The following TOR1AIP1 variants were observed in gnomAD, a reference collection of about 807,000 sequenced individuals.
TOR1AIP1 encodes torsin 1A interacting protein 1.
A neutral mutation model predicts 63.3 loss-of-function variants in TOR1AIP1; 54 were observed. That is an observed-to-expected ratio of 0.85 (90% CI 0.69 to 1.07). The LOEUF is 1.07. TOR1AIP1 is among the 50% of genes least tolerant of loss of function. The pLI is 0.00. For missense variants in TOR1AIP1, 736 were observed against 715.0 expected (o/e 1.03, Z -0.33); for synonymous variants, 294 against 273.5 (o/e 1.07, Z -0.74).
rs952679549 is a variant in TOR1AIP1 at position 179,908,521 on chromosome 1, G to A, written c.839-84G>A. ...TTCCCCTACTTTATTTTGTCTTTCT[G>A]ATAGATTAATTTTATAACACTGGAA... On this transcript the variant is annotated intron_variant, in intron 7 of 9. Transcript: ENST00000606911. 12 of 1,108,216 alleles carry A rather than the reference G, an allele frequency of 1.1e-5. No individual in the cohort carries two copies. The East Asian group carries it at 1.2e-4, about 11-fold the overall frequency. 68.6% of individuals were successfully genotyped at this position (1,108,216 alleles called of 1,614,324 possible). A position where few individuals can be genotyped will look rare whatever the true frequency, so the allele number is the denominator to read the frequency against.
At chr1:179,891,904 C>T (rs1005931214) in intron 3 of TOR1AIP1, among the ~76,000 whole-genome samples, 5 of 152,144 alleles carry the variant, frequency 3.3e-5, no homozygotes, top group Admixed American at 6.5e-5. Flanking sequence ...ACGTTGTTCA[C>T]GGCGAGTTCA....
chr1:179,889,715 C>T lies in TOR1AIP1; in HGVS notation c.610+346C>T, dbSNP rs10913904. 4.0e-3 allele frequency among the ~76,000 whole-genome samples: 612 copies of T among 151,428 alleles called. 5 individuals carry two copies. The highest frequency in any genetic ancestry group is 0.014 in the African/African-American group (582 of 41,206). ...TGTCATCCAGGCTGGAGTGCAGTGG[C>T]ACAACCAGGGCTGACTGCAGTCTCA... On this transcript the variant is annotated intron_variant, in intron 3 of 9. Transcript: ENST00000606911.
intron 9 of TOR1AIP1, 98 bp from the exon 10 acceptor site, chr1:179,917,352 ACC>A: frequency 5.1e-6 from 5 of 978,944 alleles, no homozygotes; most frequent in Non-Finnish European, 6.1e-6. Flanking sequence ...TTCCTCTTTT[ACC>A]TAATGTTTAT....
chr1:179,886,730 A>G (rs1170547398), intron 2 of TOR1AIP1, among the ~76,000 whole-genome samples: 1 of 152,230 alleles, frequency 6.6e-6, no homozygotes, highest in Non-Finnish European at 1.5e-5. Context: ...CTGTATCAAT[A>G]GCATACTGTG....
At chr1:179,887,604 A>G (rs1647949819) in intron 2 of TOR1AIP1, among the ~76,000 whole-genome samples, 1 of 152,208 alleles carries the variant, frequency 6.6e-6, no homozygotes, top group Non-Finnish European at 1.5e-5. Flanking sequence ...TAATCAATTC[A>G]GGTTATATAT....
Position 179,882,729 on chromosome 1 carries a change from A to G in TOR1AIP1, c.227A>G (p.Lys76Arg). The G allele has an allele frequency of 6.2e-7, 1 of 1,613,946 alleles. No individual in the cohort carries two copies. Among genetic ancestry groups the G allele is most frequent in the South Asian group, 1.1e-5 (1 of 91,074 alleles). ...VYGDFEPLVA[K>R]ERSPVGKRTR... is the part of the protein sequence containing the mutation. ...GGCGACTTCGAGCCCCTGGTGGCCA[A>G]AGAAAGGTCCCCGGTGGGAAAACGA... Residue 76 changes from lysine to arginine, a missense_variant, in exon 1 of 10, where the codon AAA becomes AGA. Around this residue, in one of 2 missense-constraint regions of TOR1AIP1, gnomAD observed 464 missense variants for 371.0 expected, o/e 1.25. Transcript: ENST00000606911.
In TOR1AIP1 at chr1:179,907,913, C is replaced by CTTTTTTTTTT. The variant is rs34218138; in HGVS notation, c.838+61_838+70dup. ...TTTTTCAGCCAATCAATTCTTTTCT[C>CTTTTTTTTTT]TTTTTTTTTTTTTTTTTTTTTGAGA... On this transcript the variant is annotated intron_variant, in intron 7 of 9. Coordinates refer to ENST00000606911, the MANE Select transcript of TOR1AIP1 (RefSeq NM_015602.4). The CTTTTTTTTTT allele has an allele frequency of 3.9e-4, 140 of 356,730 alleles. 1 individual carries two copies. Among genetic ancestry groups the CTTTTTTTTTT allele is most frequent in the Middle Eastern group, 2.2e-3 (2 of 892 alleles). 22.1% of individuals were successfully genotyped at this position (356,730 alleles called of 1,614,324 possible).
intron 3 of TOR1AIP1, among the ~76,000 whole-genome samples, chr1:179,891,353 C>T (rs1250805219): frequency 1.3e-5 from 2 of 151,902 alleles, no homozygotes; most frequent in Non-Finnish European, 2.9e-5. Context: ...TCCCAAGTAG[C>T]TGGGATTACA....
chr1:179,896,991 T>C (rs1318411003), intron 3 of TOR1AIP1, among the ~76,000 whole-genome samples: 2 of 152,200 alleles, frequency 1.3e-5, no homozygotes, highest in Admixed American at 1.3e-4. Flanking sequence ...GGATTATTAT[T>C]ATTTAAGATC....
intron 7 of TOR1AIP1, 30 bp from the exon 8 acceptor site, chr1:179,908,575 A>T (rs1303912588): frequency 6.3e-7 from 1 of 1,585,362 alleles, no homozygotes. Flanking sequence ...AGTATGGGAA[A>T]TTATCTTTTG....
chr1:179,899,713 C>CTGCAGT (rs1176127788), intron 3 of TOR1AIP1, among the ~76,000 whole-genome samples: 1 of 152,138 alleles, frequency 6.6e-6, no homozygotes, highest in Non-Finnish European at 1.5e-5. Flanking sequence ...GGCGCGATCT[C>CTGCAGT]GGCTCACTGC....
At position 179,918,565 on chromosome 1, in the gene TOR1AIP1, T is replaced by C. The variant is rs188757524; in HGVS notation, c.*326T>C. Reference sequence around the variant, plus strand: ...TGAGAGGGATTTGTGTCCTTTCTTATGAACCTTCCTGATTTTTTAACTTAG... The same window carrying C: ...TGAGAGGGATTTGTGTCCTTTCTTACGAACCTTCCTGATTTTTTAACTTAG... On this transcript the variant is annotated 3_prime_UTR_variant, in exon 10 of 10. Transcript: ENST00000606911. The C allele has an allele frequency of 2.7e-4, 54 of 199,202 alleles. No individual in the cohort carries two copies. Among genetic ancestry groups the C allele is most frequent in the Middle Eastern group, 2.0e-3 (1 of 502 alleles). 12.3% of individuals were successfully genotyped at this position (199,202 alleles called of 1,614,324 possible). A position where few individuals can be genotyped will look rare whatever the true frequency, so the allele number is the denominator to read the frequency against.
At position 179,895,628 on chromosome 1, in the gene TOR1AIP1, G is replaced by A. The variant is rs112677260; in HGVS notation, c.611-4498G>A. Among the ~76,000 whole-genome samples, 48 of 152,112 alleles carry A rather than the reference G, an allele frequency of 3.2e-4. No homozygotes were observed. The South Asian group carries it at 8.5e-3, about 27-fold the overall frequency. ...GTCTCAGAAAAAAGAGGCCGGGCAC[G>A]GTGTCTCACACCTGTAATCCCAGCA... On this transcript the variant is annotated intron_variant, in intron 3 of 9. Transcript: ENST00000606911.
rs750132255 is a variant in TOR1AIP1, at chr1:179,901,296, CT to C, written c.653-3del. 1 of 1,603,928 alleles carries C rather than the reference CT, an allele frequency of 6.2e-7. No homozygotes were observed. The highest frequency in any genetic ancestry group is 8.5e-7 in the Non-Finnish European group (1 of 1,172,604). ...CTATATTAGTATATTGTTTACTTCTCTTTAGGAGAAACTGAAGAAGATGATC... is the reference window on the plus strand; with the variant it reads ...CTATATTAGTATATTGTTTACTTCTCTTAGGAGAAACTGAAGAAGATGATC... On this transcript the variant is annotated splice_polypyrimidine_tract_variant and splice_region_variant and intron_variant, in intron 4 of 9. Coordinates refer to ENST00000606911, the MANE Select transcript of TOR1AIP1 (RefSeq NM_015602.4).
In TOR1AIP1 at chr1:179,917,952, A is replaced by C. The variant is rs375127929; in HGVS notation, c.1465A>C (p.Thr489Pro). 6.2e-7 allele frequency: 1 copy of C among 1,614,250 alleles called. No individual in the cohort carries two copies. Among genetic ancestry groups the C allele is most frequent in the Non-Finnish European group, 8.5e-7 (1 of 1,180,042 alleles). Residue 489 changes from threonine (T) to proline (P), a missense_variant, in exon 10 of 10, where the codon ACT becomes CCT. By Grantham distance (38) the Thr-to-Pro change is conservative. Around this residue, in one of 2 missense-constraint regions of TOR1AIP1, gnomAD observed 272 missense variants for 344.1 expected, o/e 0.79. Transcript: ENST00000606911. ...CTTTGAGTCATTTCCCGCAGGCTCTACTTTGATCTTCTACAAATATTGTGA... is the reference window on the plus strand; with the variant it reads ...CTTTGAGTCATTTCCCGCAGGCTCTCCTTTGATCTTCTACAAATATTGTGA... Reference protein sequence around the residue: ...HRFESFPAGSTLIFYKYCDHE... With the variant: ...HRFESFPAGSPLIFYKYCDHE...
rs545670624 is a variant in TOR1AIP1, at chr1:179,898,293, G to T, written c.611-1833G>T. Among the ~76,000 whole-genome samples, 28 of 152,154 alleles carry T rather than the reference G, an allele frequency of 1.8e-4. No individual in the cohort carries two copies. The South Asian group carries it at 2.5e-3, about 14-fold the overall frequency. On this transcript the variant is annotated intron_variant, in intron 3 of 9. Coordinates refer to ENST00000606911, the MANE Select transcript of TOR1AIP1 (RefSeq NM_015602.4). The stretch of plus-strand genomic sequence containing the variant: ...CTTACTTATGAAAATCTTCCCTTAT[G>T]ATGAGATGGGAATCAGATGACATTC...
chr1:179,915,425 AC>A (rs1308841145), intron 9 of TOR1AIP1, among the ~76,000 whole-genome samples: 5 of 152,228 alleles, frequency 3.3e-5, no homozygotes, highest in African/African-American at 1.2e-4. Context: ...AAAAAATATC[AC>A]ATTTGTTAAC....
chr1:179,911,556 A>G (rs1039991734), intron 8 of TOR1AIP1, among the ~76,000 whole-genome samples: 1 of 152,212 alleles, frequency 6.6e-6, no homozygotes, highest in East Asian at 1.9e-4. Context: ...ATGATTATAG[A>G]GAAGAATATA....
At chr1:179,883,333 A>G (rs1461324009) in intron 1 of TOR1AIP1, among the ~76,000 whole-genome samples, 1 of 152,088 alleles carries the variant, frequency 6.6e-6, no homozygotes, top group Non-Finnish European at 1.5e-5. Context: ...GGTTCCCTCT[A>G]CCCTGCGGAT....
Sources: gnomAD v4.1 joint callset for allele counts (sites outside exome capture counted in the v4.1 genomes callset) on GRCh38, gnomAD v4.1.1 for gene constraint, gnomAD v4.1.1 regional missense constraint, MANE v1.5 for transcripts, NCBI Gene and HGNC (gene_info 2026-07-23, HGNC 2026-07-21) for gene names.